PCDH9: variants seen among roughly 807,000 people sequenced by gnomAD.
PCDH9 encodes the protein protocadherin 9, also known as protocadherin-9.
A neutral mutation model predicts 70.6 loss-of-function variants in PCDH9; 24 were observed. The observed-to-expected ratio is 0.34, with a 90% CI of 0.25 to 0.48. The LOEUF (loss-of-function observed/expected upper bound fraction) is 0.48. Ranked by LOEUF, PCDH9 falls within the 20% of genes least tolerant of loss-of-function variation. The pLI, the probability that PCDH9 is intolerant of heterozygous loss-of-function variation, is 0.99. For synonymous variants in PCDH9, 562 were observed against 558.5 expected, an observed-to-expected ratio of 1.01 and a Z score of -0.09; for missense variants, 1,281 against 1,503.6, an observed-to-expected ratio of 0.85 and a Z score of 2.45.
chr13:66,936,501 G>T (rs574926320), intron 2 of PCDH9, among the ~76,000 whole-genome samples: 1 of 152,068 alleles, frequency 6.6e-6, no homozygotes, highest in South Asian at 2.1e-4. Flanking sequence ...CCATCATGTT[G>T]GGTGACAAAA....
At chr13:66,413,870 C>A (rs534292663) in intron 4 of PCDH9, among the ~76,000 whole-genome samples, 1 of 152,040 alleles carries the variant, frequency 6.6e-6, no homozygotes, top group South Asian at 2.1e-4. Flanking sequence ...AATGTATGGC[C>A]TCTAAGCACT....
chr13:66,541,520 G>A (rs1000799079), intron 4 of PCDH9, among the ~76,000 whole-genome samples: 1 of 152,150 alleles, frequency 6.6e-6, no homozygotes, highest in Admixed American at 6.5e-5. Context: ...GGTGGTTTCT[G>A]ATGTTGCTTC....
intron 3 of PCDH9, among the ~76,000 whole-genome samples, chr13:66,699,324 A>C (rs1045281959): frequency 1.4e-4 from 22 of 152,182 alleles, no homozygotes; most frequent in African/African-American, 3.1e-4. Flanking sequence ...CATGTCTGGG[A>C]TCTAGCAGAT....
intron 3 of PCDH9, chr13:66,880,155 C>T (rs529651867): frequency 6.6e-6 from 1 of 152,066 alleles, no homozygotes; most frequent in Non-Finnish European, 1.5e-5. Flanking sequence ...TATTGAAGTA[C>T]AAAAGAATAA....
At chr13:66,530,872 G>A (rs1960420572) in intron 4 of PCDH9, among the ~76,000 whole-genome samples, 1 of 151,926 alleles carries the variant, frequency 6.6e-6, no homozygotes, top group African/African-American at 2.4e-5. Flanking sequence ...GTTTTTTGAA[G>A]CATTTGCATA....
At chr13:66,571,504 T>A (rs1241896821) in intron 4 of PCDH9, among the ~76,000 whole-genome samples, 2 of 151,982 alleles carry the variant, frequency 1.3e-5, no homozygotes, top group Non-Finnish European at 2.9e-5. Context: ...AAATAGCACC[T>A]AAATGGCACT....
intron 3 of PCDH9, among the ~76,000 whole-genome samples, chr13:66,813,748 A>G (rs1449203885): frequency 6.6e-6 from 1 of 152,204 alleles, no homozygotes; most frequent in Non-Finnish European, 1.5e-5. Flanking sequence ...GCTGTACTAT[A>G]TACTATATGA....
intron 2 of PCDH9, among the ~76,000 whole-genome samples, chr13:67,082,987 T>C (rs968289733): frequency 2.0e-5 from 3 of 152,150 alleles, no homozygotes; most frequent in Non-Finnish European, 4.4e-5. Flanking sequence ...CCTCTGGAAA[T>C]TTTCAATAGA....
At chr13:66,745,545 G>A (rs543257202) in intron 3 of PCDH9, among the ~76,000 whole-genome samples, 3 of 152,242 alleles carry the variant, frequency 2.0e-5, no homozygotes, top group East Asian at 1.9e-4. Flanking sequence ...GGATTGAAAT[G>A]TTTGTGATTT....
At chr13:66,580,787 C>A (rs1011966051) in intron 4 of PCDH9, among the ~76,000 whole-genome samples, 7 of 151,904 alleles carry the variant, frequency 4.6e-5, no homozygotes, top group South Asian at 2.1e-4. Context: ...GTTAAAAAGA[C>A]AATAAGCTCA....
intron 4 of PCDH9, among the ~76,000 whole-genome samples, chr13:66,326,538 C>T (rs1223445245): frequency 4.6e-5 from 7 of 152,086 alleles, no homozygotes; most frequent in African/African-American, 1.7e-4. Flanking sequence ...CCTGCCTCAG[C>T]CTCCCGAGTA....
At chr13:67,041,092 T>C (rs2085105017) in intron 2 of PCDH9, among the ~76,000 whole-genome samples, 1 of 152,192 alleles carries the variant, frequency 6.6e-6, no homozygotes. Flanking sequence ...ATACCCTTTT[T>C]ACTAGTAATA....
chr13:67,015,481 C>G (rs992787470), intron 2 of PCDH9, among the ~76,000 whole-genome samples: 1 of 152,110 alleles, frequency 6.6e-6, no homozygotes, highest in South Asian at 2.1e-4. Context: ...GCCAGTCGCT[C>G]AACTTTGAAA....
chr13:66,972,435 C>T (rs1340797103), intron 2 of PCDH9, among the ~76,000 whole-genome samples: 2 of 151,766 alleles, frequency 1.3e-5, no homozygotes, highest in African/African-American at 4.8e-5. Context: ...TTTTGATGGA[C>T]CTTTTCTTAA....
At chr13:66,413,721 A>T (rs565978259) in intron 4 of PCDH9, among the ~76,000 whole-genome samples, 6 of 151,966 alleles carry the variant, frequency 3.9e-5, no homozygotes, top group Admixed American at 6.5e-5. Flanking sequence ...ATAAAATATT[A>T]AAAAAAGGAC....
chr13:66,488,057 C>G (rs1423330105), intron 4 of PCDH9, among the ~76,000 whole-genome samples: 1 of 152,116 alleles, frequency 6.6e-6, no homozygotes, highest in African/African-American at 2.4e-5. Context: ...ACATGTTTTC[C>G]CTGGCTTTGT....
At chr13:66,852,008 G>A (rs2081322709) in intron 3 of PCDH9, among the ~76,000 whole-genome samples, 1 of 151,682 alleles carries the variant, frequency 6.6e-6, no homozygotes, top group South Asian at 2.1e-4. Context: ...GAGAGCTCTG[G>A]TCTCTCTTCT....
intron 2 of PCDH9, among the ~76,000 whole-genome samples, chr13:67,076,559 G>A (rs1318181826): frequency 6.6e-6 from 1 of 152,094 alleles, no homozygotes; most frequent in African/African-American, 2.4e-5. Flanking sequence ...ATGGAAATCT[G>A]TGATGTGGGC....
chr13:66,780,749 C>G (rs993617935), intron 3 of PCDH9, among the ~76,000 whole-genome samples: 4 of 151,940 alleles, frequency 2.6e-5, no homozygotes, highest in Non-Finnish European at 5.9e-5. Flanking sequence ...GTCTCCTCCA[C>G]AGTGGAATGT....
Sources: gnomAD v4.1 joint callset for allele counts (sites outside exome capture counted in the v4.1 genomes callset) on GRCh38, gnomAD v4.1.1 for gene constraint, MANE v1.5 for transcripts, NCBI Gene and HGNC (gene_info 2026-07-23, HGNC 2026-07-21) for gene names.